GPC5: variants seen among roughly 807,000 people sequenced by gnomAD.
GPC5 encodes the protein glypican 5.
A neutral mutation model predicts 53.9 loss-of-function variants in GPC5; 47 were observed. That is an observed-to-expected ratio of 0.87 (90% CI 0.69 to 1.11). The LOEUF is 1.11. GPC5 is among the 50% of genes most tolerant of loss of function. The probability of loss-of-function intolerance (pLI) is 0.00; values close to 1 mark genes in which losing one functional copy is unlikely to be tolerated. For synonymous variants in GPC5, 286 were observed against 263.3 expected, an observed-to-expected ratio of 1.09 and a Z score of -0.84; for missense variants, 748 against 713.1, an observed-to-expected ratio of 1.05 and a Z score of -0.56.
At chr13:92,621,026 T>C (rs16952028) in intron 7 of GPC5, among the ~76,000 whole-genome samples, 2,095 of 152,322 alleles carry the variant, frequency 0.014, 56 homozygotes, top group African/African-American at 0.048. Context: ...CCATTTTGTC[T>C]TTATTGAGTC....
intron 6 of GPC5, among the ~76,000 whole-genome samples, chr13:92,077,725 G>A (rs1290840728): frequency 6.6e-6 from 1 of 152,184 alleles, no homozygotes; most frequent in East Asian, 1.9e-4. Flanking sequence ...GTCTGCAAAT[G>A]TGTGGATAAG....
chr13:91,877,266 C>T (rs893617543), intron 5 of GPC5, among the ~76,000 whole-genome samples: 1 of 152,170 alleles, frequency 6.6e-6, no homozygotes, highest in South Asian at 2.1e-4. Context: ...GGGCTGCTGT[C>T]CTCCAGAAGA....
chr13:91,901,456 A>C (rs1436195064), intron 5 of GPC5, among the ~76,000 whole-genome samples: 2 of 152,098 alleles, frequency 1.3e-5, no homozygotes, highest in African/African-American at 4.8e-5. Flanking sequence ...AAAATCAATC[A>C]TATAACTCTT....
At chr13:92,693,276 A>G (rs1887466600) in intron 7 of GPC5, among the ~76,000 whole-genome samples, 1 of 152,152 alleles carries the variant, frequency 6.6e-6, no homozygotes, top group Non-Finnish European at 1.5e-5. Context: ...GTTAACCTGA[A>G]AATGTGGAGG....
chr13:92,398,599 T>C (rs975311591), intron 7 of GPC5, among the ~76,000 whole-genome samples: 2 of 152,136 alleles, frequency 1.3e-5, no homozygotes, highest in African/African-American at 2.4e-5. Context: ...TTTACTTTCA[T>C]ATATTTTCTC....
chr13:92,783,373 A>G (rs147411137), intron 7 of GPC5, among the ~76,000 whole-genome samples: 1 of 152,294 alleles, frequency 6.6e-6, no homozygotes, highest in East Asian at 1.9e-4. Flanking sequence ...TAAATGTTTG[A>G]TGATATTGTG....
intron 7 of GPC5, among the ~76,000 whole-genome samples, chr13:92,359,475 G>A (rs548309610): frequency 9.9e-5 from 15 of 151,520 alleles, no homozygotes; most frequent in Admixed American, 8.5e-4. Context: ...AGTCCCAAAC[G>A]TGCATCCACA....
chr13:92,398,762 T>C (rs1875415251), intron 7 of GPC5, among the ~76,000 whole-genome samples: 1 of 152,200 alleles, frequency 6.6e-6, no homozygotes, highest in Non-Finnish European at 1.5e-5. Context: ...AACCTTTTTT[T>C]TCTATTCCTG....
chr13:92,677,669 G>T (rs1594412524), intron 7 of GPC5, among the ~76,000 whole-genome samples: 1 of 152,186 alleles, frequency 6.6e-6, no homozygotes, highest in African/African-American at 2.4e-5. Context: ...AATCAGAACA[G>T]ACGTGCAGAG....
intron 2 of GPC5, among the ~76,000 whole-genome samples, chr13:91,466,477 A>G (rs1882247349): frequency 6.6e-6 from 1 of 152,160 alleles, no homozygotes; most frequent in African/African-American, 2.4e-5. Flanking sequence ...TTGAAAGAGT[A>G]TATGTTAAAA....
chr13:92,288,320 T>C (rs1192194461), intron 7 of GPC5, among the ~76,000 whole-genome samples: 2 of 152,214 alleles, frequency 1.3e-5, no homozygotes, highest in African/African-American at 2.4e-5. Context: ...CTCTGTTTTA[T>C]AGTATTTTTG....
intron 7 of GPC5, among the ~76,000 whole-genome samples, chr13:92,802,676 A>G (rs1453609650): frequency 1.3e-5 from 2 of 151,826 alleles, no homozygotes; most frequent in Non-Finnish European, 2.9e-5. Flanking sequence ...ATCATTTTTT[A>G]TGGCTGCAAA....
At chr13:92,617,043 A>T (rs1377659487) in intron 7 of GPC5, among the ~76,000 whole-genome samples, 1 of 152,268 alleles carries the variant, frequency 6.6e-6, no homozygotes, top group African/African-American at 2.4e-5. Context: ...ATTTAAATAA[A>T]TCAGACAATA....
At chr13:91,694,264 G>A (rs2139820271) in intron 3 of GPC5, among the ~76,000 whole-genome samples, 1 of 152,242 alleles carries the variant, frequency 6.6e-6, no homozygotes, top group Non-Finnish European at 1.5e-5. Context: ...TGGGAATATA[G>A]GCATTATGTG....
chr13:92,101,155 CAT>C (rs1178681324), intron 6 of GPC5, among the ~76,000 whole-genome samples: 3 of 152,144 alleles, frequency 2.0e-5, no homozygotes, highest in Admixed American at 1.3e-4. Context: ...AAATGAGAAA[CAT>C]ATGAATTAAC....
chr13:92,367,958 G>A (rs35380449), intron 7 of GPC5, among the ~76,000 whole-genome samples: 1,532 of 152,218 alleles, frequency 0.01, 27 homozygotes, highest in Middle Eastern at 0.048. Context: ...TCAAATTACT[G>A]AAGTACAGAC....
chr13:92,520,178 A>G (rs1251961859), intron 7 of GPC5, among the ~76,000 whole-genome samples: 1 of 152,190 alleles, frequency 6.6e-6, no homozygotes, highest in East Asian at 1.9e-4. Flanking sequence ...AGACAGATTC[A>G]CAGCAGAATT....
intron 7 of GPC5, among the ~76,000 whole-genome samples, chr13:92,518,155 T>G (rs9523701): frequency 0.66 from 100,518 of 151,976 alleles, 33,633 homozygotes; most frequent in East Asian, 0.75. Flanking sequence ...CGTCTGATTG[T>G]TGTCCCTGAA....
chr13:92,726,240 CTA>C (rs1233302575), intron 7 of GPC5, among the ~76,000 whole-genome samples: 1 of 151,534 alleles, frequency 6.6e-6, no homozygotes, highest in Non-Finnish European at 1.5e-5. Context: ...TCTCCTGAAA[CTA>C]TTAACTCAAA....
Sources: allele counts gnomAD v4.1 joint callset (sites outside exome capture counted in the v4.1 genomes callset), GRCh38; gene constraint gnomAD v4.1.1; transcripts MANE v1.5; gene names NCBI Gene and HGNC (gene_info 2026-07-23, HGNC 2026-07-21).